Variants in MYH15 observed in about 807,000 individuals in gnomAD.
The protein encoded by MYH15 is myosin-15.
In MYH15, 227 loss-of-function variants were observed where a neutral mutation model predicts 240.5. The ratio of observed to expected loss-of-function variants is 0.94; its 90% CI spans 0.85 to 1.05. The LOEUF (loss-of-function observed/expected upper bound fraction) is 1.05. Among genes scored for constraint, MYH15 ranks in the 50% least tolerant of loss-of-function variants. MYH15 has a pLI of 0.00. For synonymous variants in MYH15, 785 were observed against 796.7 expected, an observed-to-expected ratio of 0.99 and a Z score of 0.25; for missense variants, 2,217 against 2,247.5, an observed-to-expected ratio of 0.99 and a Z score of 0.27.
intron 12 of MYH15, 86 bp from the exon 13 acceptor site, chr3:108,470,933 G>A: frequency 7.4e-7 from 1 of 1,356,832 alleles, no homozygotes; most frequent in Non-Finnish European, 1.0e-6. Context: ...CTGCCTTCTA[G>A]TCAAATTAGG....
chr3:108,536,057 CAG>C, the MYH15 span, among the ~76,000 whole-genome samples: 1 of 152,130 alleles, frequency 6.6e-6, no homozygotes, highest in East Asian at 1.9e-4. Flanking sequence ...CTTCTGAGGT[CAG>C]AAGTTCGAGA....
chr3:108,508,718 CAG>C (rs1036261220), intron 1 of MYH15, among the ~76,000 whole-genome samples: 32 of 152,004 alleles, frequency 2.1e-4, no homozygotes, highest in African/African-American at 7.7e-4. Flanking sequence ...TTGATTAAAA[CAG>C]GGGTAATACT....
At chr3:108,461,321 G>C (rs1222602456) in intron 16 of MYH15, among the ~76,000 whole-genome samples, 1 of 152,114 alleles carries the variant, frequency 6.6e-6, no homozygotes, top group African/African-American at 2.4e-5. Flanking sequence ...TCTATGAAAA[G>C]GGAATAACAC....
Position 108,500,417 on chromosome 3 carries a change from G to C in MYH15, c.340-143C>G, listed in dbSNP as rs72941742. On this transcript the variant is annotated intron_variant, in intron 3 of 40. Coordinates refer to ENST00000693548, the MANE Select transcript of MYH15 (RefSeq NM_014981.3). ...GAGCTTTTGGAATCATGTAGAGAAG[G>C]GACTTCTAACAAGAAGAGACAGAAC... is the stretch of plus-strand genomic sequence containing the variant. The C allele has an allele frequency of 5.1e-4, 437 of 855,382 alleles. 1 individual carries two copies. In the African/African-American group the frequency reaches 6.5e-3, roughly 13 times the overall value. The allele number at this position is 855,382 out of a possible 1,614,324, so 53.0% of individuals were successfully genotyped here.
intron 7 of MYH15, among the ~76,000 whole-genome samples, chr3:108,493,670 T>A (rs1317833468): frequency 6.6e-6 from 1 of 152,196 alleles, no homozygotes. Context: ...GTCTACTGGA[T>A]AAGCAGCTAC....
intron 27 of MYH15, among the ~76,000 whole-genome samples, chr3:108,425,393 G>A (rs1560348495): frequency 6.6e-6 from 1 of 152,024 alleles, no homozygotes; most frequent in African/African-American, 2.4e-5. Flanking sequence ...ATATTAATTT[G>A]GGCATATAAA....
At chr3:108,404,387 C>T (rs1163454518) in intron 33 of MYH15, among the ~76,000 whole-genome samples, 1 of 152,120 alleles carries the variant, frequency 6.6e-6, no homozygotes, top group African/African-American at 2.4e-5. Context: ...ATCTCAGGCT[C>T]AAATGATTTT....
At chr3:108,546,097 C>T in the MYH15 span, among the ~76,000 whole-genome samples, 1 of 152,104 alleles carries the variant, frequency 6.6e-6, no homozygotes, top group South Asian at 2.1e-4. Context: ...TCTTTTTTCA[C>T]ATCGTTTTTA....
chr3:108,467,766 T>C (rs2083132537), intron 14 of MYH15, among the ~76,000 whole-genome samples: 1 of 152,166 alleles, frequency 6.6e-6, no homozygotes, highest in African/African-American at 2.4e-5. Flanking sequence ...TGTAATCATA[T>C]ATTAATACTT....
the MYH15 span, among the ~76,000 whole-genome samples, chr3:108,548,653 T>C: frequency 6.6e-6 from 1 of 152,112 alleles, no homozygotes; most frequent in African/African-American, 2.4e-5. Context: ...GGTACGATGG[T>C]ATATATGCCA....
intron 26 of MYH15, among the ~76,000 whole-genome samples, chr3:108,430,174 T>C (rs762097712): frequency 6.6e-6 from 1 of 152,196 alleles, no homozygotes; most frequent in African/African-American, 2.4e-5. Context: ...TCTCAGAAGA[T>C]AAATATCAGA....
chr3:108,508,309 T>C (rs75701411), intron 1 of MYH15, among the ~76,000 whole-genome samples: 18 of 152,332 alleles, frequency 1.2e-4, no homozygotes, highest in African/African-American at 4.1e-4. Flanking sequence ...ACCCAAACCC[T>C]GACAGGGACA....
At chr3:108,460,261 G>A in intron 17 of MYH15, 39 bp downstream of exon 17, 2 of 1,449,846 alleles carry the variant, frequency 1.4e-6, no homozygotes, top group Non-Finnish European at 1.9e-6. Context: ...TGCAGATTGT[G>A]AGGCAATTAA....
intron 15 of MYH15, 87 bp downstream of exon 15, chr3:108,464,551 T>C: frequency 7.9e-7 from 1 of 1,265,224 alleles, no homozygotes. Context: ...ATCTAAACAT[T>C]ACTTAAATAT....
At chr3:108,459,709 G>A (rs530464069) in intron 17 of MYH15, among the ~76,000 whole-genome samples, 1 of 152,092 alleles carries the variant, frequency 6.6e-6, no homozygotes, top group Admixed American at 6.6e-5. Flanking sequence ...CAATATCAAA[G>A]TTATGGCTGG....
intron 34 of MYH15, 76 bp downstream of exon 34, chr3:108,398,999 A>G (rs1296530085): frequency 2.0e-6 from 3 of 1,510,586 alleles, no homozygotes; most frequent in Admixed American, 1.7e-5. Flanking sequence ...GCTGAACACA[A>G]TCTGTTGCTT....
the MYH15 span, among the ~76,000 whole-genome samples, chr3:108,538,186 T>C: frequency 1.3e-5 from 2 of 152,350 alleles, no homozygotes; most frequent in Admixed American, 6.5e-5. Flanking sequence ...TCCTAGCTAG[T>C]TGACAAACTC....
At chr3:108,523,661 C>T (rs1169912814) in intron 1 of MYH15, among the ~76,000 whole-genome samples, 3 of 151,886 alleles carry the variant, frequency 2.0e-5, no homozygotes, top group Admixed American at 6.6e-5. Context: ...CTCACATTAT[C>T]CTTCTTGCTT....
chr3:108,470,718 T>G lies in MYH15; in HGVS notation c.1363A>C (p.Thr455Pro), dbSNP rs977736264. The change falls in exon 13 of 41, where the codon ACT becomes CCT. Residue 455 changes from threonine to proline, a missense_variant. Thr to Pro is a conservative substitution (Grantham distance 38). Coordinates refer to ENST00000693548, the MANE Select transcript of MYH15 (RefSeq NM_014981.3). ...RQFFIGILDITGFEILEYNSL... is the reference protein window; with the variant it reads ...RQFFIGILDIPGFEILEYNSL... Reference sequence around the variant, plus strand: ...CTTACCTCAAGGATTTCAAAACCAGTGATGTCAAGAATGCCAATGAAGAAC... The same window carrying G: ...CTTACCTCAAGGATTTCAAAACCAGGGATGTCAAGAATGCCAATGAAGAAC... 2 of 1,613,674 alleles carry G rather than the reference T, an allele frequency of 1.2e-6. No homozygotes were observed. Among genetic ancestry groups the G allele is most frequent in the Non-Finnish European group, 1.7e-6 (2 of 1,179,852 alleles).
Sources: allele counts gnomAD v4.1 joint callset (sites outside exome capture counted in the v4.1 genomes callset), GRCh38; gene constraint gnomAD v4.1.1; transcripts MANE v1.5; gene names NCBI Gene and HGNC (gene_info 2026-07-23, HGNC 2026-07-21).